Variants in SCAI observed in about 807,000 individuals in gnomAD.
SCAI encodes the protein protein SCAI.
SCAI carries 24 observed loss-of-function variants against 92.2 expected under a neutral mutation model. That is an observed-to-expected ratio of 0.26 (90% CI 0.19 to 0.37). SCAI has a LOEUF of 0.37. Ranked by LOEUF, SCAI falls within the 10% of genes least tolerant of loss-of-function variation. The probability of loss-of-function intolerance (pLI) is 1.00; values close to 1 mark genes in which losing one functional copy is unlikely to be tolerated. For synonymous variants in SCAI, 261 were observed against 258.6 expected (o/e 1.01, Z -0.09); for missense variants, 450 against 736.2 (o/e 0.61, Z 4.50).
At chr9:125,062,074 C>A (rs1335966472) in intron 2 of SCAI, among the ~76,000 whole-genome samples, 2 of 150,806 alleles carry the variant, frequency 1.3e-5, no homozygotes, top group African/African-American at 4.9e-5. Flanking sequence ...CTGAAAGTGA[C>A]AAAAATAATA....
At chr9:125,057,113 G>A (rs1056279925) in intron 2 of SCAI, among the ~76,000 whole-genome samples, 6 of 152,206 alleles carry the variant, frequency 3.9e-5, no homozygotes, top group Non-Finnish European at 5.9e-5. Flanking sequence ...TTTGGTCCTG[G>A]TGTAGGATGT....
rs555556615 is a variant in SCAI at position 125,009,436 on chromosome 9, A to G, written c.862-5866T>C. Among the ~76,000 whole-genome samples, 26 of 152,098 alleles carry G rather than the reference A, an allele frequency of 1.7e-4. 1 individual carries two copies. In the South Asian group the frequency reaches 5.2e-3, roughly 30 times the overall value. ...AGGCACATGCCATCATGCCTGACTA[A>G]TTTTTGTATTTTAAGTAGAGATCAG... is the stretch of plus-strand genomic sequence containing the variant. On this transcript the variant is annotated intron_variant, in intron 9 of 17. Transcript: ENST00000336505.
rs764858681 is a variant in SCAI, at chr9:125,073,092, A to ATTTTTTTTTTTTTT, written c.99-17099_99-17086dup. Among the ~76,000 whole-genome samples, 78 of 72,480 alleles carry ATTTTTTTTTTTTTT rather than the reference A, an allele frequency of 1.1e-3. 9 individuals are homozygous for ATTTTTTTTTTTTTT. Among genetic ancestry groups the ATTTTTTTTTTTTTT allele is most frequent in the East Asian group, 1.8e-3 (4 of 2,168 alleles). 47.5% of individuals were successfully genotyped at this position (72,480 alleles called of 152,430 possible). On this transcript the variant is annotated intron_variant, in intron 2 of 17. Transcript: ENST00000336505. ...GGATCATATGAGGATTCTATTTTTA[A>ATTTTTTTTTTTTTT]TTTTTTTTTTTTTTTTTTTTTTTTT...
chr9:125,012,574 A>T (rs1202723860), intron 9 of SCAI, among the ~76,000 whole-genome samples: 1 of 152,176 alleles, frequency 6.6e-6, no homozygotes. Context: ...CCACACAATA[A>T]TAATGGGTGA....
chr9:124,949,246 G>C lies in SCAI; in HGVS notation c.*3561C>G, dbSNP rs1831198453. The C allele has an allele frequency of 6.6e-6, 1 of 152,422 alleles. No individual in the cohort carries two copies. Among genetic ancestry groups the C allele is most frequent in the African/African-American group, 2.4e-5 (1 of 41,444 alleles). 9.4% of individuals were successfully genotyped at this position (152,422 alleles called of 1,614,324 possible). A position where few individuals can be genotyped will look rare whatever the true frequency, so the allele number is the denominator to read the frequency against. The stretch of plus-strand genomic sequence containing the variant: ...CACATGCCTGTAATCCCAGCTACTG[G>C]GGAGGCTGAGGCAGGAGAATCACTT... On this transcript the variant is annotated 3_prime_UTR_variant, in exon 18 of 18. Transcript: ENST00000336505. This position sits in a 1 kb window ranked among gnomAD's most constrained non-coding sequence, Gnocchi z 4.0.
At chr9:124,985,254 T>G (rs16927804) in intron 14 of SCAI, among the ~76,000 whole-genome samples, 2,551 of 151,980 alleles carry the variant, frequency 0.017, 73 homozygotes, top group African/African-American at 0.059. Flanking sequence ...GCAAAACATT[T>G]TTTCTTGATG....
intron 2 of SCAI, among the ~76,000 whole-genome samples, chr9:125,133,750 AAAAG>A (rs1320093472): frequency 1.3e-5 from 2 of 152,220 alleles, no homozygotes; most frequent in African/African-American, 2.4e-5. Flanking sequence ...AAACAAAAAA[AAAAG>A]AAAGAATCAC....
intron 2 of SCAI, among the ~76,000 whole-genome samples, chr9:125,086,565 G>T (rs990628643): frequency 6.6e-6 from 1 of 152,204 alleles, no homozygotes; most frequent in Non-Finnish European, 1.5e-5. Context: ...GAATCTATAA[G>T]GATTTTGTGA....
intron 2 of SCAI, among the ~76,000 whole-genome samples, chr9:125,122,519 GCAGAGGTTGCAGTGAA>G (rs1835174337): frequency 1.4e-5 from 2 of 146,540 alleles, no homozygotes; most frequent in African/African-American, 5.0e-5. Flanking sequence ...AACCCAGGAG[GCAGAGGTTGCAGTGAA>G]CCAAGATTGC....
At chr9:125,139,786 G>A (rs971828211) in intron 2 of SCAI, among the ~76,000 whole-genome samples, 28 of 152,184 alleles carry the variant, frequency 1.8e-4, no homozygotes, top group African/African-American at 5.3e-4. Flanking sequence ...ATTCAAGGTA[G>A]GGAAACCAGT....
chr9:125,136,564 G>A (rs1052741507), intron 2 of SCAI, among the ~76,000 whole-genome samples: 2 of 147,360 alleles, frequency 1.4e-5, no homozygotes, highest in Non-Finnish European at 3.0e-5. Flanking sequence ...AGGTTGAAGC[G>A]ATTCTCCCGC....
In SCAI at chr9:125,029,743, T is replaced by C. The variant is rs765212457; in HGVS notation, c.231-4A>G. 1 of 1,550,340 alleles carries C rather than the reference T, an allele frequency of 6.5e-7. No homozygotes were observed. Among genetic ancestry groups the C allele is most frequent in the South Asian group, 1.1e-5 (1 of 87,922 alleles). On this transcript the variant is annotated splice_polypyrimidine_tract_variant and splice_region_variant and intron_variant, in intron 3 of 17. Transcript: ENST00000336505. ...CTGTCCATATTGTGGCAAATCTCTG[T>C]AATAGTAAATGAGTATGTATTAATA... is the stretch of plus-strand genomic sequence containing the variant.
chr9:124,962,735 T>C (rs1831464618), intron 17 of SCAI, among the ~76,000 whole-genome samples: 1 of 152,120 alleles, frequency 6.6e-6, no homozygotes, highest in South Asian at 2.1e-4. Context: ...ACAGATAACA[T>C]AAACAGTCAA....
At chr9:125,105,897 C>A (rs1184111130) in intron 2 of SCAI, among the ~76,000 whole-genome samples, 2 of 150,894 alleles carry the variant, frequency 1.3e-5, no homozygotes, top group Non-Finnish European at 3.0e-5. Context: ...AAGAGATGGA[C>A]ACCAGCCTGG....
chr9:124,965,509 A>C (rs1443538795), intron 17 of SCAI, among the ~76,000 whole-genome samples: 1 of 152,242 alleles, frequency 6.6e-6, no homozygotes, highest in Non-Finnish European at 1.5e-5. Flanking sequence ...TGCTGGGATT[A>C]CAGGCGTGAG....
chr9:125,050,234 A>G (rs974842712), intron 3 of SCAI, among the ~76,000 whole-genome samples: 13 of 152,148 alleles, frequency 8.5e-5, no homozygotes, highest in Non-Finnish European at 1.8e-4. Flanking sequence ...CTTCTTCTCT[A>G]TAAGGGCCAT....
chr9:125,090,611 A>C (rs184141160), intron 2 of SCAI, among the ~76,000 whole-genome samples: 1 of 152,222 alleles, frequency 6.6e-6, no homozygotes, highest in African/African-American at 2.4e-5. Flanking sequence ...ATCTAAGTCA[A>C]TATCATCTAT....
chr9:125,096,312 A>C (rs967026025), intron 2 of SCAI, among the ~76,000 whole-genome samples: 1 of 152,154 alleles, frequency 6.6e-6, no homozygotes, highest in Non-Finnish European at 1.5e-5. Context: ...AGGAGAACAC[A>C]GGAAAAACCT....
intron 17 of SCAI, among the ~76,000 whole-genome samples, chr9:124,967,041 T>C (rs2131584226): frequency 6.6e-6 from 1 of 152,188 alleles, no homozygotes; most frequent in African/African-American, 2.4e-5. Context: ...TAATATAACA[T>C]GAGCATAACT....
Sources: gnomAD v4.1 joint callset for allele counts (sites outside exome capture counted in the v4.1 genomes callset) on GRCh38, gnomAD v4.1.1 for gene constraint, Gnocchi (gnomAD v3.1) non-coding constraint, MANE v1.5 for transcripts, NCBI Gene and HGNC (gene_info 2026-07-23, HGNC 2026-07-21) for gene names.